Variants in ALCAM observed in about 807,000 individuals in gnomAD.
The protein encoded by ALCAM is CD166 antigen.
A neutral mutation model predicts 70.9 loss-of-function variants in ALCAM; 30 were observed. That is an observed-to-expected ratio of 0.42 (90% CI 0.32 to 0.57). The LOEUF is 0.57. Among genes scored for constraint, ALCAM ranks in the 20% least tolerant of loss-of-function variants. The pLI, the probability that ALCAM is intolerant of heterozygous loss-of-function variation, is 0.11. For missense variants in ALCAM, 591 were observed against 695.1 expected (o/e 0.85, Z 1.68); for synonymous variants, 249 against 242.5 (o/e 1.03, Z -0.25).
chr3:105,573,389 T>TG (rs1456222482), intron 15 of ALCAM, among the ~76,000 whole-genome samples: 18 of 152,012 alleles, frequency 1.2e-4, no homozygotes, highest in African/African-American at 4.3e-4. Context: ...CGTGAGTGTA[T>TG]TTATACAGCC....
At chr3:105,570,016 C>T (rs1043689168) in intron 14 of ALCAM, among the ~76,000 whole-genome samples, 70 of 152,044 alleles carry the variant, frequency 4.6e-4, no homozygotes, top group African/African-American at 1.7e-3. Flanking sequence ...TGTAATCAGC[C>T]CCTTAGCCTA....
At chr3:105,452,762 A>G (rs1274140269) in intron 1 of ALCAM, among the ~76,000 whole-genome samples, 1 of 152,160 alleles carries the variant, frequency 6.6e-6, no homozygotes, top group Non-Finnish European at 1.5e-5. Flanking sequence ...AATAATTGCC[A>G]TTCTGACTGG....
chr3:105,528,586 T>C (rs562964879), intron 3 of ALCAM, among the ~76,000 whole-genome samples: 5 of 152,264 alleles, frequency 3.3e-5, no homozygotes, highest in African/African-American at 1.2e-4. Flanking sequence ...AGCCCTACAA[T>C]TTACTTGGTT....
intron 1 of ALCAM, among the ~76,000 whole-genome samples, chr3:105,374,809 C>T (rs1046518610): frequency 5.3e-5 from 8 of 152,164 alleles, no homozygotes; most frequent in African/African-American, 1.9e-4. Flanking sequence ...TGAGCCACTG[C>T]ACCGAGCCCA....
intron 1 of ALCAM, among the ~76,000 whole-genome samples, chr3:105,437,987 A>G (rs1300993441): frequency 6.6e-6 from 1 of 152,098 alleles, no homozygotes; most frequent in Non-Finnish European, 1.5e-5. Flanking sequence ...TTGTAAATAA[A>G]TAAGTCTCTA....
Position 105,486,957 on chromosome 3 carries a change from C to CATTTATTTATTTATTTATTTATTTATTT in ALCAM, c.74-33085_74-33084insTTTATTTATTTATTTATTTATTTATTTA, listed in dbSNP as rs9288808. Among the ~76,000 whole-genome samples the CATTTATTTATTTATTTATTTATTTATTT allele has an allele frequency of 3.7e-3, 551 of 148,852 alleles. 3 individuals are homozygous for CATTTATTTATTTATTTATTTATTTATTT. The highest frequency in any genetic ancestry group is 9.1e-3 in the Admixed American group (135 of 14,782). On this transcript the variant is annotated intron_variant, in intron 1 of 15. Coordinates refer to ENST00000306107, the MANE Select transcript of ALCAM (RefSeq NM_001627.4). ...CTATCTCTCTGCACAGAGCATAAGACATTTATTTATTTATTTATTTATTTA... is the reference window on the plus strand; with the variant it reads ...CTATCTCTCTGCACAGAGCATAAGACATTTATTTATTTATTTATTTATTTATTTATTTATTTATTTATTTATTTATTTA...
intron 1 of ALCAM, among the ~76,000 whole-genome samples, chr3:105,429,848 A>G (rs1319566070): frequency 6.6e-6 from 1 of 152,016 alleles, no homozygotes; most frequent in African/African-American, 2.4e-5. Flanking sequence ...TAAATTAGCA[A>G]TATGTTAAAA....
At chr3:105,441,345 G>T (rs937848161) in intron 1 of ALCAM, among the ~76,000 whole-genome samples, 32 of 151,932 alleles carry the variant, frequency 2.1e-4, no homozygotes, top group Admixed American at 3.9e-4. Context: ...TTAAGTTACT[G>T]GTTCAGTGTC....
chr3:105,510,147 G>A (rs1939198139), intron 1 of ALCAM, among the ~76,000 whole-genome samples: 1 of 152,024 alleles, frequency 6.6e-6, no homozygotes, highest in Non-Finnish European at 1.5e-5. Context: ...GAAGAAGATG[G>A]GGGTGGTCGG....
At chr3:105,573,122 C>A (rs900971751) in intron 15 of ALCAM, among the ~76,000 whole-genome samples, 4 of 152,100 alleles carry the variant, frequency 2.6e-5, no homozygotes, top group African/African-American at 7.2e-5. Context: ...ACTAGAAGCT[C>A]CAGACCAGCC....
rs16851306 is a variant in ALCAM at position 105,573,759 on chromosome 3, C to T, written c.*26-718C>T. 2.4e-4 allele frequency among the ~76,000 whole-genome samples: 37 copies of T among 152,236 alleles called. No individual in the cohort carries two copies. The East Asian group carries it at 3.1e-3, about 13-fold the overall frequency. On this transcript the variant is annotated intron_variant, in intron 15 of 15. Transcript: ENST00000306107. ...CCGATATGATATGACAAGCCCCAAC[C>T]GCCACAGTAAACCTCGGGTTCATTA...
chr3:105,531,913 G>C, intron 3 of ALCAM, 89 bp from the exon 4 acceptor site: 1 of 1,026,382 alleles, frequency 9.7e-7, no homozygotes, highest in Non-Finnish European at 1.5e-6. Context: ...TCTGTATTGA[G>C]TAAATGAATT....
intron 1 of ALCAM, among the ~76,000 whole-genome samples, chr3:105,455,709 G>A (rs144854871): frequency 0.012 from 1,789 of 152,230 alleles, 23 homozygotes; most frequent in Non-Finnish European, 0.017. Context: ...CAGCACCTGC[G>A]AGCGACCACC....
chr3:105,396,081 T>G (rs1027372845), intron 1 of ALCAM, among the ~76,000 whole-genome samples: 2 of 152,016 alleles, frequency 1.3e-5, no homozygotes, highest in African/African-American at 4.8e-5. Context: ...TAAAGTAGAC[T>G]GGGCAAGCAC....
At chr3:105,423,236 T>C (rs1240265659) in intron 1 of ALCAM, among the ~76,000 whole-genome samples, 3 of 151,302 alleles carry the variant, frequency 2.0e-5, no homozygotes, top group African/African-American at 7.3e-5. Flanking sequence ...AGAAATCCTC[T>C]CCCTCCCACT....
intron 1 of ALCAM, among the ~76,000 whole-genome samples, chr3:105,417,161 C>A (rs2895300): frequency 0.1 from 15,561 of 151,912 alleles, 997 homozygotes; most frequent in Middle Eastern, 0.17. Flanking sequence ...TCACACACCC[C>A]ATTTCCTCTT....
intron 1 of ALCAM, among the ~76,000 whole-genome samples, chr3:105,499,378 A>T (rs989232087): frequency 9.2e-5 from 14 of 152,202 alleles, no homozygotes; most frequent in Admixed American, 1.3e-4. Context: ...GGAAGAAATT[A>T]TGTGACTCTT....
chr3:105,484,135 T>C (rs996844044), intron 1 of ALCAM, among the ~76,000 whole-genome samples: 1 of 151,820 alleles, frequency 6.6e-6, no homozygotes, highest in African/African-American at 2.4e-5. Context: ...AGTAGACAAA[T>C]ATAGCCATTG....
At chr3:105,407,302 A>G (rs951580366) in intron 1 of ALCAM, among the ~76,000 whole-genome samples, 2 of 152,150 alleles carry the variant, frequency 1.3e-5, no homozygotes, top group African/African-American at 4.8e-5. Flanking sequence ...CCTAATGAAC[A>G]TAGATGCAAA....
Sources: allele counts gnomAD v4.1 joint callset (sites outside exome capture counted in the v4.1 genomes callset), GRCh38; gene constraint gnomAD v4.1.1; transcripts MANE v1.5; gene names NCBI Gene and HGNC (gene_info 2026-07-23, HGNC 2026-07-21).